Variants in CYP4X1 observed in about 807,000 individuals in gnomAD.
The protein encoded by CYP4X1 is cytochrome P450 4X1.
Under a neutral mutation model 57.9 loss-of-function variants are expected in CYP4X1, and 44 were observed. That is an observed-to-expected ratio of 0.76 (90% CI 0.60 to 0.98). The LOEUF (loss-of-function observed/expected upper bound fraction) is 0.98. Ranked by LOEUF, CYP4X1 falls within the 50% of genes least tolerant of loss-of-function variation. The pLI, the probability that CYP4X1 is intolerant of heterozygous loss-of-function variation, is 0.00. For synonymous variants in CYP4X1, 227 were observed against 228.6 expected (o/e 0.99, Z 0.06); for missense variants, 532 against 623.9 (o/e 0.85, Z 1.57).
the CYP4X1 span, among the ~76,000 whole-genome samples, chr1:46,982,572 G>A: frequency 6.6e-6 from 1 of 152,302 alleles, no homozygotes; most frequent in South Asian, 2.1e-4. Context: ...CTGAGGCTTT[G>A]GGCAGGCTTT....
chr1:46,977,124 T>G, the CYP4X1 span, among the ~76,000 whole-genome samples: 2 of 152,136 alleles, frequency 1.3e-5, no homozygotes, highest in African/African-American at 4.8e-5. Context: ...AGAGAATGAC[T>G]TTGATGAGTT....
the CYP4X1 span, among the ~76,000 whole-genome samples, chr1:47,015,373 C>G: frequency 6.6e-6 from 1 of 152,268 alleles, no homozygotes; most frequent in African/African-American, 2.4e-5. Context: ...ACAGCTTGCT[C>G]GTCAATGCCC....
At chr1:47,036,705 A>G (rs1474598614) in intron 6 of CYP4X1, among the ~76,000 whole-genome samples, 1 of 152,180 alleles carries the variant, frequency 6.6e-6, no homozygotes, top group Non-Finnish European at 1.5e-5. Context: ...TTAATCCTTC[A>G]TCAGCTTCAC....
downstream of CYP4X1, among the ~76,000 whole-genome samples, chr1:47,053,804 G>C (rs1304740959): frequency 6.6e-6 from 1 of 152,156 alleles, no homozygotes; most frequent in African/African-American, 2.4e-5. Flanking sequence ...GTTCATTGTA[G>C]ATTCTGGATA....
chr1:47,036,223 G>A (rs111810706), intron 6 of CYP4X1, 52 bp downstream of exon 6: 15 of 1,553,306 alleles, frequency 9.7e-6, no homozygotes, highest in African/African-American at 8.2e-5. Context: ...TGATTGTACT[G>A]TGTCTGTCTA....
rs1294083470 is a variant in CYP4X1, at chr1:47,023,827, T to C, written c.10T>C (p.Ser4Pro). ...GGCGCTGCGCAGAGCCATGGAATTC[T>C]CCTGGCTGGAGACGCGCTGGGCGCG... MEFSWLETRWARPF... is the reference protein window; with the variant it reads MEFPWLETRWARPF... Residue 4 changes from serine (S) to proline (P), a missense_variant, in exon 1 of 12, where the codon TCC becomes CCC. Transcript: ENST00000371901. 3.1e-6 allele frequency: 5 copies of C among 1,612,838 alleles called. No individual in the cohort carries two copies. The African/African-American group carries it at 6.7e-5, about 22-fold the overall frequency.
chr1:47,043,600 A>G (rs1475613868), intron 8 of CYP4X1, among the ~76,000 whole-genome samples: 1 of 152,070 alleles, frequency 6.6e-6, no homozygotes, highest in Non-Finnish European at 1.5e-5. Flanking sequence ...CTGATGTTCT[A>G]GAATTTTTAT....
At chr1:46,967,614 G>T in the CYP4X1 span, 1 of 345,588 alleles carries the variant, frequency 2.9e-6, no homozygotes, top group Non-Finnish European at 5.4e-6. Flanking sequence ...AGCAGGATGT[G>T]GGCAGACAGG....
intron 1 of CYP4X1, among the ~76,000 whole-genome samples, chr1:47,024,315 A>G (rs1402955463): frequency 6.6e-6 from 1 of 152,202 alleles, no homozygotes; most frequent in Non-Finnish European, 1.5e-5. Context: ...AGCCTTCCAC[A>G]TGTGTTGCTT....
At chr1:46,983,055 C>A in the CYP4X1 span, among the ~76,000 whole-genome samples, 1 of 152,108 alleles carries the variant, frequency 6.6e-6, no homozygotes, top group Non-Finnish European at 1.5e-5. Context: ...CCTGGGGACA[C>A]GTGGTGGGGT....
At chr1:47,028,973 C>T (rs1318179502) in intron 1 of CYP4X1, among the ~76,000 whole-genome samples, 1 of 152,230 alleles carries the variant, frequency 6.6e-6, no homozygotes, top group Non-Finnish European at 1.5e-5. Context: ...GGTTTCAAGA[C>T]TCTCAACCTT....
the CYP4X1 span, among the ~76,000 whole-genome samples, chr1:47,002,513 C>T: frequency 6.6e-6 from 1 of 152,180 alleles, no homozygotes; most frequent in African/African-American, 2.4e-5. Flanking sequence ...GAAGCCTGTC[C>T]TGTGAAATTG....
At chr1:47,032,089 A>G (rs1644131503) in intron 3 of CYP4X1, among the ~76,000 whole-genome samples, 1 of 151,864 alleles carries the variant, frequency 6.6e-6, no homozygotes, top group South Asian at 2.1e-4. Flanking sequence ...CAGTCTCACC[A>G]TCCCTATTCT....
chr1:46,983,832 G>C, the CYP4X1 span, among the ~76,000 whole-genome samples: 1 of 152,174 alleles, frequency 6.6e-6, no homozygotes, highest in Non-Finnish European at 1.5e-5. Flanking sequence ...TCCGAGTGCT[G>C]TGGTGGGGAG....
chr1:47,031,044 A>G (rs1247815922), intron 2 of CYP4X1, among the ~76,000 whole-genome samples: 1 of 152,238 alleles, frequency 6.6e-6, no homozygotes, highest in Non-Finnish European at 1.5e-5. Context: ...AAAAACACCA[A>G]GAGGCATTGA....
chr1:47,054,051 G>T (rs534042341), downstream of CYP4X1, among the ~76,000 whole-genome samples: 626 of 151,602 alleles, frequency 4.1e-3, 8 homozygotes, highest in African/African-American at 0.015. Context: ...TATGGTTTTA[G>T]GTCTAACATG....
At chr1:46,961,850 A>G in the CYP4X1 span, 1 of 1,121,754 alleles carries the variant, frequency 8.9e-7, no homozygotes, top group African/African-American at 1.6e-5. Flanking sequence ...TATCCCATCA[A>G]ACAGACAACC....
At chr1:47,008,453 C>T in the CYP4X1 span, among the ~76,000 whole-genome samples, 1 of 152,306 alleles carries the variant, frequency 6.6e-6, no homozygotes, top group African/African-American at 2.4e-5. Context: ...CAACCAGTAC[C>T]AGCCACTGCA....
chr1:46,966,225 T>A, the CYP4X1 span, among the ~76,000 whole-genome samples: 1 of 152,202 alleles, frequency 6.6e-6, no homozygotes, highest in Admixed American at 6.5e-5. Flanking sequence ...GCCCACAGAA[T>A]GACAGTGCTT....
Sources: gnomAD v4.1 joint callset for allele counts (sites outside exome capture counted in the v4.1 genomes callset) on GRCh38, gnomAD v4.1.1 for gene constraint, MANE v1.5 for transcripts, NCBI Gene and HGNC (gene_info 2026-07-23, HGNC 2026-07-21) for gene names.